The following ARHGAP22 variants were observed in gnomAD, a reference collection of about 807,000 sequenced individuals.
ARHGAP22 encodes the protein rho GTPase-activating protein 22.
ARHGAP22 carries 48 observed loss-of-function variants against 59.1 expected under a neutral mutation model. That is an observed-to-expected ratio of 0.81 (90% CI 0.64 to 1.03). ARHGAP22 has a LOEUF of 1.03. Ranked by LOEUF, ARHGAP22 falls within the 50% of genes least tolerant of loss-of-function variation. The pLI is 0.00. For synonymous variants in ARHGAP22, 445 were observed against 416.4 expected, an observed-to-expected ratio of 1.07 and a Z score of -0.84; for missense variants, 1,015 against 958.7, an observed-to-expected ratio of 1.06 and a Z score of -0.78.
rs1313433178 is a variant in ARHGAP22, at chr10:48,451,000, T to G, written c.1129A>C (p.Arg377=). Residue 377 remains arginine, a synonymous_variant, in exon 9 of 10, where the codon AGG becomes CGG. Transcript: ENST00000249601. The stretch of plus-strand genomic sequence containing the variant: ...CCGCCGGGCTCTCCTTGGCTGTCCC[T>G]GGTGACCTCCTCGGAGCCCCACCCC... ...AVGWGSEEVT[R]DSQGEPGGPG... is the part of the protein sequence containing the mutation. 1 of 1,558,544 alleles carries G rather than the reference T, an allele frequency of 6.4e-7. No individual in the cohort carries two copies. The highest frequency in any genetic ancestry group is 1.9e-5 in the Admixed American group (1 of 52,152).
intron 7 of ARHGAP22, 45 bp from the exon 8 acceptor site, chr10:48,453,470 T>C (rs371202034): frequency 1.2e-5 from 20 of 1,610,060 alleles, no homozygotes; most frequent in Admixed American, 3.3e-5. Flanking sequence ...CAAGTTGTGA[T>C]GCCCAGTCTC....
At chr10:48,458,547 G>T (rs535102803) in intron 5 of ARHGAP22, among the ~76,000 whole-genome samples, 257 of 152,330 alleles carry the variant, frequency 1.7e-3, no homozygotes, top group Non-Finnish European at 2.9e-3. Flanking sequence ...GGAGTGGCAA[G>T]GTCTGATCTG....
At chr10:48,583,696 G>A (rs909655264) in intron 1 of ARHGAP22, among the ~76,000 whole-genome samples, 8 of 152,140 alleles carry the variant, frequency 5.3e-5, no homozygotes, top group Admixed American at 5.2e-4. Context: ...GAAGGAACTG[G>A]CCCCACCCAG....
intron 5 of ARHGAP22, 140 bp from the exon 6 acceptor site, chr10:48,455,274 G>C: frequency 3.8e-6 from 4 of 1,041,532 alleles, no homozygotes; most frequent in Non-Finnish European, 5.3e-6. Context: ...TCTGCGGCCA[G>C]CTGCCCTGGT....
At chr10:48,632,867 T>A (rs975409801) in intron 1 of ARHGAP22, among the ~76,000 whole-genome samples, 12 of 152,218 alleles carry the variant, frequency 7.9e-5, no homozygotes, top group Admixed American at 2.6e-4. Context: ...AGAGTGAAAA[T>A]GTCTAAGCTT....
At chr10:48,576,332 A>G (rs1588897232) in intron 2 of ARHGAP22, among the ~76,000 whole-genome samples, 2 of 152,110 alleles carry the variant, frequency 1.3e-5, no homozygotes, top group African/African-American at 4.8e-5. Context: ...TGGCCTCCCC[A>G]TTCTCCTCCT....
chr10:48,523,636 C>A (rs1169886491), intron 3 of ARHGAP22, among the ~76,000 whole-genome samples: 1 of 152,078 alleles, frequency 6.6e-6, no homozygotes, highest in Admixed American at 6.5e-5. Context: ...GCAGGGGCGG[C>A]GCAGGGCGCG....
chr10:48,611,788 TTTCCCTTCCCTTCCCTTCTC>T (rs1257907632), intron 1 of ARHGAP22, among the ~76,000 whole-genome samples: 1 of 124,132 alleles, frequency 8.1e-6, no homozygotes, highest in African/African-American at 3.2e-5. Context: ...CTCCTGCTCC[TTTCCCTTCCCTTCCCTTCTC>T]TTCCCTTCCC....
chr10:48,553,477 G>A (rs2057062375), intron 3 of ARHGAP22, among the ~76,000 whole-genome samples: 1 of 152,246 alleles, frequency 6.6e-6, no homozygotes, highest in Non-Finnish European at 1.5e-5. Flanking sequence ...GGAGGGCAAG[G>A]TAAGTGTGTA....
downstream of ARHGAP22, chr10:48,444,903 A>G (rs886860333): frequency 6.6e-6 from 1 of 152,264 alleles, no homozygotes; most frequent in Non-Finnish European, 1.5e-5. Context: ...GAAAAATCCC[A>G]TCACCCAGAC....
intron 3 of ARHGAP22, among the ~76,000 whole-genome samples, chr10:48,526,245 A>C (rs2054311755): frequency 1.3e-5 from 2 of 152,216 alleles, no homozygotes; most frequent in African/African-American, 4.8e-5. Context: ...GGAAAGAATG[A>C]CTTAGAGCAG....
chr10:48,619,743 T>G (rs1249121831), intron 1 of ARHGAP22, among the ~76,000 whole-genome samples: 1 of 152,120 alleles, frequency 6.6e-6, no homozygotes, highest in African/African-American at 2.4e-5. Context: ...ATTATAAAAC[T>G]ACCAAAAGAA....
At chr10:48,543,685 T>C (rs1236640667) in intron 3 of ARHGAP22, among the ~76,000 whole-genome samples, 1 of 152,166 alleles carries the variant, frequency 6.6e-6, no homozygotes. Context: ...GCCTGGGGGA[T>C]TCTGATGCAC....
chr10:48,568,789 T>C (rs892007510), intron 2 of ARHGAP22, among the ~76,000 whole-genome samples: 1 of 152,180 alleles, frequency 6.6e-6, no homozygotes, highest in African/African-American at 2.4e-5. Flanking sequence ...GAAGAGCCCT[T>C]GGGGACACAG....
intron 1 of ARHGAP22, among the ~76,000 whole-genome samples, chr10:48,584,278 A>T (rs1246030084): frequency 6.6e-6 from 1 of 152,198 alleles, no homozygotes. Context: ...TAGTGACTGC[A>T]GTTCTCTAAG....
At chr10:48,455,285 C>T (rs1157848747) in intron 5 of ARHGAP22, 151 bp from the exon 6 acceptor site, 11 of 944,164 alleles carry the variant, frequency 1.2e-5, no homozygotes, top group Non-Finnish European at 1.6e-5. Flanking sequence ...CTGCCCTGGT[C>T]AAGGAAAGGC....
chr10:48,639,809 C>A (rs2061968559), intron 1 of ARHGAP22, among the ~76,000 whole-genome samples: 1 of 151,268 alleles, frequency 6.6e-6, no homozygotes, highest in South Asian at 2.1e-4. Context: ...AACCAAAAAA[C>A]AAAAGGGAAG....
At chr10:48,520,343 G>A (rs915195958) in intron 3 of ARHGAP22, among the ~76,000 whole-genome samples, 2 of 152,234 alleles carry the variant, frequency 1.3e-5, no homozygotes, top group African/African-American at 4.8e-5. Flanking sequence ...CTGTTCTGCT[G>A]CAGCATTCAG....
intron 4 of ARHGAP22, among the ~76,000 whole-genome samples, chr10:48,465,705 T>C (rs61838730): frequency 0.025 from 3,852 of 152,282 alleles, 70 homozygotes; most frequent in Non-Finnish European, 0.038. Context: ...CTTTTCACTC[T>C]TACAGGAGCG....
Sources: gnomAD v4.1 joint callset for allele counts (sites outside exome capture counted in the v4.1 genomes callset) on GRCh38, gnomAD v4.1.1 for gene constraint, MANE v1.5 for transcripts, NCBI Gene and HGNC (gene_info 2026-07-23, HGNC 2026-07-21) for gene names.